ANO2: variants seen among roughly 807,000 people sequenced by gnomAD.
ANO2 encodes the protein anoctamin-2.
In ANO2, 101 loss-of-function variants were observed where a neutral mutation model predicts 124.2. That is an observed-to-expected ratio of 0.81 (90% CI 0.69 to 0.96). The LOEUF is 0.96. Among genes scored for constraint, ANO2 ranks in the 40% least tolerant of loss-of-function variants. The pLI is 0.00. For synonymous variants in ANO2, 486 were observed against 482.5 expected (o/e 1.01, Z -0.09); for missense variants, 1,293 against 1,274.5 (o/e 1.01, Z -0.22).
intron 7 of ANO2, among the ~76,000 whole-genome samples, chr12:5,822,421 C>T (rs1438778916): frequency 6.6e-6 from 1 of 152,202 alleles, no homozygotes; most frequent in African/African-American, 2.4e-5. Flanking sequence ...ACTACTCAAC[C>T]TCTTTCCCCA....
chr12:5,925,755 C>A lies in ANO2; in HGVS notation c.23-2951G>T, dbSNP rs548421519. ...TCTCCTTCCACGCTGCCTTGAACAA[C>A]AGATCCTTGGGTGTTCATAACTGCA... On this transcript the variant is annotated intron_variant, in intron 1 of 24. Coordinates refer to ENST00000682330, the MANE Select transcript of ANO2 (RefSeq NM_001364791.2). This position sits in a 1 kb window ranked among gnomAD's most constrained non-coding sequence, Gnocchi z 4.6. Among the ~76,000 whole-genome samples, 24 of 152,368 alleles carry A rather than the reference C, an allele frequency of 1.6e-4. No individual in the cohort carries two copies. The East Asian group carries it at 3.9e-3, about 24-fold the overall frequency.
Position 5,804,961 on chromosome 12 carries a change from C to T in ANO2, c.990+1091G>A, listed in dbSNP as rs184758611. 1.2e-3 allele frequency among the ~76,000 whole-genome samples: 190 copies of T among 152,006 alleles called. 2 individuals are homozygous for T. The highest frequency in any genetic ancestry group is 4.2e-3 in the African/African-American group (176 of 41,412). Reference sequence around the variant, plus strand: ...AGTGGGAGGACAGAAAATGGTTGGGCGAGAGAGGTGAGATGTGGTGAGACA... The same window carrying T: ...AGTGGGAGGACAGAAAATGGTTGGGTGAGAGAGGTGAGATGTGGTGAGACA... On this transcript the variant is annotated intron_variant, in intron 9 of 24. Transcript: ENST00000682330.
At chr12:5,818,450 TATA>T (rs1953679200) in intron 7 of ANO2, among the ~76,000 whole-genome samples, 4 of 1,218 alleles carry the variant, frequency 3.3e-3, no homozygotes, top group African/African-American at 4.3e-3. Context: ...ACTCATATTA[TATA>T]TATATATATA....
rs1301911877 is a variant in ANO2, at chr12:5,908,766, C to T, written c.534+12274G>A. On this transcript the variant is annotated intron_variant, in intron 3 of 24. Transcript: ENST00000682330. The surrounding 1 kb of genome is among the most constrained non-coding windows in gnomAD (Gnocchi z 4.7). ...GTGACACAGCTAACATCCCCAACAGCTGCTCTTCCTTTTGCTTCCATTGTA... is the reference window on the plus strand; with the variant it reads ...GTGACACAGCTAACATCCCCAACAGTTGCTCTTCCTTTTGCTTCCATTGTA... 1.3e-5 allele frequency among the ~76,000 whole-genome samples: 2 copies of T among 152,222 alleles called. No individual in the cohort carries two copies. Among genetic ancestry groups the T allele is most frequent in the African/African-American group, 4.8e-5 (2 of 41,452 alleles).
intron 3 of ANO2, 61 bp from the exon 4 acceptor site, chr12:5,854,202 G>C: frequency 6.8e-7 from 1 of 1,467,226 alleles, no homozygotes; most frequent in Non-Finnish European, 9.5e-7. Flanking sequence ...TAAACTCCTG[G>C]TTCTTCAACT....
At chr12:5,645,146 C>T (rs1189160429) in intron 15 of ANO2, among the ~76,000 whole-genome samples, 2 of 151,850 alleles carry the variant, frequency 1.3e-5, no homozygotes, top group Non-Finnish European at 2.9e-5. Flanking sequence ...TCCCTCATTA[C>T]CTGTTCTCTT....
At chr12:5,600,691 T>G (rs1246446041) in intron 19 of ANO2, among the ~76,000 whole-genome samples, 1 of 152,208 alleles carries the variant, frequency 6.6e-6, no homozygotes, top group African/African-American at 2.4e-5. Context: ...GTTTTTGCAA[T>G]TACTTTTTAA....
At chr12:5,717,662 C>T (rs567871638) in intron 14 of ANO2, among the ~76,000 whole-genome samples, 1 of 152,352 alleles carries the variant, frequency 6.6e-6, no homozygotes, top group South Asian at 2.1e-4. Context: ...TCACCTTGTA[C>T]TCCAGATCTG....
intron 14 of ANO2, among the ~76,000 whole-genome samples, chr12:5,699,694 C>T (rs1342545114): frequency 6.6e-6 from 1 of 152,146 alleles, no homozygotes; most frequent in East Asian, 1.9e-4. Flanking sequence ...TCAGGAGACC[C>T]ATCTCACATG....
At chr12:5,928,590 AGTCTATCTTCTTTCCTTACTC>A (rs1345136823) in intron 1 of ANO2, among the ~76,000 whole-genome samples, 1 of 149,158 alleles carries the variant, frequency 6.7e-6, no homozygotes, top group African/African-American at 2.5e-5. Flanking sequence ...CTTCCTTACT[AGTCTATCTTCTTTCCTTACTC>A]GTCTACCTTC....
chr12:5,718,901 C>T (rs985168372), intron 14 of ANO2, among the ~76,000 whole-genome samples: 3 of 152,236 alleles, frequency 2.0e-5, no homozygotes, highest in Non-Finnish European at 4.4e-5. Flanking sequence ...GGTTCCAGTT[C>T]CCACTAGAGG....
chr12:5,669,253 A>G (rs963080006), intron 14 of ANO2, among the ~76,000 whole-genome samples: 7 of 151,888 alleles, frequency 4.6e-5, no homozygotes, highest in Admixed American at 1.3e-4. Context: ...GAGGTCCTTC[A>G]CTTCCCTTTG....
At chr12:5,648,987 T>C (rs892087920) in intron 14 of ANO2, among the ~76,000 whole-genome samples, 4 of 152,212 alleles carry the variant, frequency 2.6e-5, no homozygotes, top group Non-Finnish European at 5.9e-5. Flanking sequence ...TACTAAAAGA[T>C]TTCTTTCTAA....
chr12:5,703,414 C>T (rs977693215), intron 14 of ANO2, among the ~76,000 whole-genome samples: 2 of 152,112 alleles, frequency 1.3e-5, no homozygotes, highest in Admixed American at 6.5e-5. Context: ...AAGTAAGGGG[C>T]GCCCACATGC....
At chr12:5,916,789 G>C (rs1941406938) in intron 3 of ANO2, among the ~76,000 whole-genome samples, 1 of 151,846 alleles carries the variant, frequency 6.6e-6, no homozygotes, top group Non-Finnish European at 1.5e-5. Context: ...CTGCCTGCGA[G>C]GTAGCAGGCA....
At chr12:5,670,440 A>G (rs969921874) in intron 14 of ANO2, among the ~76,000 whole-genome samples, 7 of 152,202 alleles carry the variant, frequency 4.6e-5, no homozygotes, top group African/African-American at 1.7e-4. Context: ...CTGGGAGCTG[A>G]CAATTACTGA....
chr12:5,694,734 TTTTG>T lies in ANO2; in HGVS notation c.1545+37782_1545+37785del, dbSNP rs575589730. On this transcript the variant is annotated intron_variant, in intron 14 of 24. Transcript: ENST00000682330. ...AGGAGTAGGTTTCTGGTTTTCTTTG[TTTTG>T]TTTGTTTGTTTGTTTGTTTGTTTTT... 3.2e-4 allele frequency among the ~76,000 whole-genome samples: 48 copies of T among 152,176 alleles called. 1 individual carries two copies. The East Asian group carries it at 4.2e-3, about 13-fold the overall frequency.
intron 3 of ANO2, among the ~76,000 whole-genome samples, chr12:5,859,077 A>G (rs1955189921): frequency 6.6e-6 from 1 of 152,256 alleles, no homozygotes; most frequent in Non-Finnish European, 1.5e-5. Flanking sequence ...TGAAGAGATT[A>G]GCCGTCAGAG....
intron 20 of ANO2, among the ~76,000 whole-genome samples, chr12:5,585,207 T>C (rs1177107767): frequency 6.6e-6 from 1 of 151,952 alleles, no homozygotes; most frequent in Admixed American, 6.6e-5. Context: ...GGTTGGTAGT[T>C]AAGGTCGTTC....
Sources: gnomAD v4.1 joint callset for allele counts (sites outside exome capture counted in the v4.1 genomes callset) on GRCh38, gnomAD v4.1.1 for gene constraint, Gnocchi (gnomAD v3.1) non-coding constraint, MANE v1.5 for transcripts, NCBI Gene and HGNC (gene_info 2026-07-23, HGNC 2026-07-21) for gene names.